Variants in CUL5 observed in about 807,000 individuals in gnomAD.
CUL5 encodes the protein cullin-5.
CUL5 carries 26 observed loss-of-function variants against 108.8 expected under a neutral mutation model. The observed-to-expected ratio is 0.24, with a 90% CI of 0.18 to 0.33. CUL5 has a LOEUF of 0.33. CUL5 is among the 10% of genes least tolerant of loss of function. The pLI, the probability that CUL5 is intolerant of heterozygous loss-of-function variation, is 1.00. For missense variants in CUL5, 524 were observed against 909.2 expected, an observed-to-expected ratio of 0.58 and a Z score of 5.45; for synonymous variants, 334 against 298.0, an observed-to-expected ratio of 1.12 and a Z score of -1.25.
chr11:108,082,379 C>T (rs565611783), intron 11 of CUL5, among the ~76,000 whole-genome samples: 1 of 151,834 alleles, frequency 6.6e-6, no homozygotes, highest in East Asian at 1.9e-4. Flanking sequence ...CTCCTGAGCT[C>T]GAGTAATCCT....
In CUL5 at chr11:108,087,403, C is replaced by G. The variant is rs78583857; in HGVS notation, c.1179-1124C>G. On this transcript the variant is annotated intron_variant, in intron 11 of 18. Transcript: ENST00000393094. Reference sequence around the variant, plus strand: ...GAAAACAATACTTGAATTTTATAAGCACAAGAAATTTCAAAATCTTCAATT... The same window carrying G: ...GAAAACAATACTTGAATTTTATAAGGACAAGAAATTTCAAAATCTTCAATT... 5.8e-3 allele frequency among the ~76,000 whole-genome samples: 877 copies of G among 152,220 alleles called. 10 individuals are homozygous for G. The highest frequency in any genetic ancestry group is 0.02 in the African/African-American group (837 of 41,548).
At chr11:108,097,845 TTTA>T in intron 17 of CUL5, 91 bp downstream of exon 17, 2 of 694,678 alleles carry the variant, frequency 2.9e-6, no homozygotes. Flanking sequence ...TTACATTATA[TTTA>T]AAACATTATA....
chr11:108,056,966 A>G (rs1455468204), intron 7 of CUL5, among the ~76,000 whole-genome samples: 2 of 152,166 alleles, frequency 1.3e-5, no homozygotes, highest in African/African-American at 4.8e-5. Flanking sequence ...GGGAGAAAGG[A>G]TGAGTTCATT....
intron 10 of CUL5, among the ~76,000 whole-genome samples, chr11:108,074,680 C>T (rs905151344): frequency 3.9e-5 from 6 of 152,074 alleles, no homozygotes; most frequent in Admixed American, 3.9e-4. Flanking sequence ...GTGGTACATG[C>T]GTGTAATTCC....
intron 1 of CUL5, among the ~76,000 whole-genome samples, chr11:108,027,646 T>C (rs1257359516): frequency 6.6e-6 from 1 of 152,082 alleles, no homozygotes. Context: ...TGGGCTCAAG[T>C]GACCCGCCCG....
intron 1 of CUL5, among the ~76,000 whole-genome samples, chr11:108,029,080 CTAG>C (rs1246608207): frequency 6.6e-6 from 1 of 152,202 alleles, no homozygotes; most frequent in Non-Finnish European, 1.5e-5. Flanking sequence ...CTTTCTCTGC[CTAG>C]AATACCCTTT....
At chr11:108,060,618 C>G (rs957570761) in intron 7 of CUL5, among the ~76,000 whole-genome samples, 5 of 152,002 alleles carry the variant, frequency 3.3e-5, no homozygotes, top group African/African-American at 9.7e-5. Flanking sequence ...GGTGGATCAC[C>G]TGAGGTCAGG....
intron 1 of CUL5, among the ~76,000 whole-genome samples, chr11:108,029,543 C>G (rs1862526616): frequency 6.6e-6 from 1 of 152,168 alleles, no homozygotes; most frequent in Non-Finnish European, 1.5e-5. Flanking sequence ...GATTCTTTTT[C>G]TTATTAATAA....
intron 13 of CUL5, among the ~76,000 whole-genome samples, chr11:108,090,474 G>C (rs1336765444): frequency 6.6e-6 from 1 of 152,118 alleles, no homozygotes; most frequent in African/African-American, 2.4e-5. Context: ...CTGGGTGACA[G>C]AGCAAGACTC....
intron 13 of CUL5, among the ~76,000 whole-genome samples, 189 bp from the exon 14 acceptor site, chr11:108,094,202 G>A (rs1483484768): frequency 6.6e-6 from 1 of 152,072 alleles, no homozygotes; most frequent in African/African-American, 2.4e-5. Context: ...CGCAAAGCAG[G>A]GACCCCTTGT....
chr11:108,098,383 A>C, intron 17 of CUL5, 23 bp from the exon 18 acceptor site: 4 of 1,588,018 alleles, frequency 2.5e-6, no homozygotes, highest in Non-Finnish European at 2.6e-6. Context: ...ACCATAAAAT[A>C]CTTGATGCAA....
intron 11 of CUL5, among the ~76,000 whole-genome samples, chr11:108,080,678 G>A (rs1303497535): frequency 6.6e-6 from 1 of 152,134 alleles, no homozygotes; most frequent in African/African-American, 2.4e-5. Context: ...ACAGGCATGA[G>A]CCACCATGCC....
chr11:108,064,697 G>C (rs1863630645), intron 7 of CUL5, among the ~76,000 whole-genome samples: 1 of 152,088 alleles, frequency 6.6e-6, no homozygotes, highest in African/African-American at 2.4e-5. Flanking sequence ...GCAACAGAGT[G>C]ATACTCTGTC....
chr11:108,082,546 G>C (rs1864116665), intron 11 of CUL5, among the ~76,000 whole-genome samples: 1 of 152,078 alleles, frequency 6.6e-6, no homozygotes, highest in South Asian at 2.1e-4. Flanking sequence ...CAAAGTGCTA[G>C]GATTACGGGC....
chr11:108,088,524 T>C lies in CUL5; in HGVS notation c.1179-3T>C. The C allele has an allele frequency of 6.3e-7, 1 of 1,582,304 alleles. No individual in the cohort carries two copies. On this transcript the variant is annotated splice_region_variant and splice_polypyrimidine_tract_variant and intron_variant, in intron 11 of 18. Coordinates refer to ENST00000393094, the MANE Select transcript of CUL5 (RefSeq NM_003478.6). ...CATCAACTGCTTTTAATTTGTTTTT[T>C]AGGGTGGGATTAAAAACTCAGCCTG...
At chr11:108,031,287 C>A (rs116984953) in intron 1 of CUL5, among the ~76,000 whole-genome samples, 2,262 of 151,570 alleles carry the variant, frequency 0.015, 26 homozygotes, top group Non-Finnish European at 0.024. Flanking sequence ...ATCACCTGAC[C>A]CTGGGAGGTA....
At chr11:108,099,755 C>A (rs1433740138) in intron 18 of CUL5, among the ~76,000 whole-genome samples, 1 of 152,150 alleles carries the variant, frequency 6.6e-6, no homozygotes, top group African/African-American at 2.4e-5. Flanking sequence ...CCTACCCCAG[C>A]TGATTCTTAT....
chr11:108,089,680 T>C (rs1354409147), intron 13 of CUL5, 57 bp downstream of exon 13: 2 of 923,956 alleles, frequency 2.2e-6, no homozygotes, highest in Non-Finnish European at 3.1e-6. Context: ...TTTATATGTG[T>C]GCTTAAGTAA....
chr11:108,100,702 T>C (rs923002154), intron 18 of CUL5, among the ~76,000 whole-genome samples: 5 of 151,914 alleles, frequency 3.3e-5, no homozygotes, highest in African/African-American at 1.2e-4. Context: ...TAAGAAGATA[T>C]TCGTAGCTAT....
Sources: allele counts gnomAD v4.1 joint callset (sites outside exome capture counted in the v4.1 genomes callset), GRCh38; gene constraint gnomAD v4.1.1; transcripts MANE v1.5; gene names NCBI Gene and HGNC (gene_info 2026-07-23, HGNC 2026-07-21).